Variants in DNAI3 observed in about 807,000 individuals in gnomAD.
DNAI3 encodes dynein axonemal intermediate chain 3.
DNAI3 carries 83 observed loss-of-function variants against 115.5 expected under a neutral mutation model. That is an observed-to-expected ratio of 0.72 (90% CI 0.60 to 0.86). The LOEUF (loss-of-function observed/expected upper bound fraction) is 0.86. Ranked by LOEUF, DNAI3 falls within the 40% of genes least tolerant of loss-of-function variation. The pLI is 0.00. For synonymous variants in DNAI3, 320 were observed against 347.0 expected (o/e 0.92, Z 0.86); for missense variants, 1,004 against 1,075.8 (o/e 0.93, Z 0.93).
chr1:85,098,785 C>T, intron 13 of DNAI3, 127 bp downstream of exon 13: 1 of 1,372,330 alleles, frequency 7.3e-7, no homozygotes, highest in Non-Finnish European at 1.0e-6. Flanking sequence ...AACTAAGCAT[C>T]AAAAAATGGG....
chr1:85,120,282 G>A (rs1203708263), intron 17 of DNAI3, among the ~76,000 whole-genome samples: 4 of 152,206 alleles, frequency 2.6e-5, no homozygotes, highest in African/African-American at 9.6e-5. Context: ...ACTGGCTGGC[G>A]TGGGCTGAGG....
rs561798597 is a variant in DNAI3 at position 85,075,480 on chromosome 1, C to T, written c.103+2388C>T. 3.9e-5 allele frequency among the ~76,000 whole-genome samples: 6 copies of T among 152,214 alleles called. No homozygotes were observed. The East Asian group carries it at 7.7e-4, about 20-fold the overall frequency. On this transcript the variant is annotated intron_variant, in intron 3 of 22. Coordinates refer to ENST00000294664, the MANE Select transcript of DNAI3 (RefSeq NM_145172.5). ...ACAAGTGTAGGTTTTGAGTTAGCAT[C>T]CCCTTCTCCTCAAGCCTCTTTCTAC... is the stretch of plus-strand genomic sequence containing the variant.
intron 14 of DNAI3, among the ~76,000 whole-genome samples, chr1:85,105,285 G>A (rs1246876150): frequency 6.6e-6 from 1 of 152,140 alleles, no homozygotes; most frequent in East Asian, 1.9e-4. Flanking sequence ...CTGTGAGCAT[G>A]TGTTGGGGAA....
chr1:85,109,623 G>C (rs1655593692), intron 15 of DNAI3, among the ~76,000 whole-genome samples: 1 of 152,214 alleles, frequency 6.6e-6, no homozygotes, highest in Non-Finnish European at 1.5e-5. Flanking sequence ...TCCAGTGCAT[G>C]TGTTCCTGAG....
At chr1:85,105,099 G>A (rs1453139579) in intron 14 of DNAI3, among the ~76,000 whole-genome samples, 1 of 152,176 alleles carries the variant, frequency 6.6e-6, no homozygotes, top group African/African-American at 2.4e-5. Context: ...GAAATATGAA[G>A]AGTAATATCA....
At chr1:85,095,203 A>G (rs1302303543) in intron 10 of DNAI3, among the ~76,000 whole-genome samples, 13 of 152,332 alleles carry the variant, frequency 8.5e-5, no homozygotes, top group African/African-American at 3.1e-4. Context: ...GGTCTGCTCA[A>G]TAAGAGATCT....
intron 10 of DNAI3, 135 bp from the exon 11 acceptor site, chr1:85,095,796 C>A: frequency 1.2e-6 from 1 of 803,962 alleles, no homozygotes. Flanking sequence ...AGGCAGAACT[C>A]TGAGAATAGA....
At chr1:85,109,911 G>A (rs1269100543) in intron 15 of DNAI3, 137 bp from the exon 16 acceptor site, 32 of 717,876 alleles carry the variant, frequency 4.5e-5, no homozygotes, top group Non-Finnish European at 7.3e-5. Context: ...AGAAATTTGA[G>A]GGAGGAAAGG....
Position 85,132,885 on chromosome 1 carries a change from CA to C in DNAI3, c.2564del (p.Gln855ArgfsTer4). On this transcript the variant is annotated frameshift_variant, in exon 23 of 23. Transcript: ENST00000294664. LOFTEE classifies it low-confidence loss of function (END_TRUNC). Reference sequence around the variant, plus strand: ...ATATCAGAAGTCAAAAGAACAAATGCAGGCTGAATTAAAAATGGACTATGAG... The same window carrying C: ...ATATCAGAAGTCAAAAGAACAAATGCGGCTGAATTAAAAATGGACTATGAG... ...KTYQKSKEQM[Q>X]AELKMDYESY... 1 of 1,613,674 alleles carries C rather than the reference CA, an allele frequency of 6.2e-7. No homozygotes were observed. Among genetic ancestry groups the C allele is most frequent in the South Asian group, 1.1e-5 (1 of 91,060 alleles).
intron 6 of DNAI3, among the ~76,000 whole-genome samples, chr1:85,084,912 A>G (rs909783213): frequency 6.6e-6 from 1 of 152,254 alleles, no homozygotes; most frequent in Non-Finnish European, 1.5e-5. Flanking sequence ...TCTAACCTCC[A>G]GCACCTCAGA....
chr1:85,113,477 T>C (rs1196421161), intron 16 of DNAI3, among the ~76,000 whole-genome samples: 1 of 152,230 alleles, frequency 6.6e-6, no homozygotes, highest in East Asian at 1.9e-4. Flanking sequence ...CTCTTTCTAC[T>C]GAACTGCTTT....
intron 16 of DNAI3, among the ~76,000 whole-genome samples, chr1:85,115,884 T>G (rs1655802192): frequency 6.6e-6 from 1 of 152,214 alleles, no homozygotes. Context: ...TGTCTCCTGC[T>G]GTGCTGACCA....
At position 85,126,693 on chromosome 1, in the gene DNAI3, C is replaced by T; in HGVS notation, c.2295C>T (p.Tyr765=). 1 of 1,614,156 alleles carries T rather than the reference C, an allele frequency of 6.2e-7. No homozygotes were observed. The highest frequency in any genetic ancestry group is 1.1e-5 in the South Asian group (1 of 91,084). ...ACATTTGCATAACTATGATCACCTA[C>T]ATCAAACCCTGGATCTTTTCTTGTA... ...SQNICITMIT[Y]IKPWIFSSKQ... The change falls in exon 20 of 23, where the codon TAC becomes TAT. Residue 765 remains tyrosine (Y), a synonymous_variant. Transcript: ENST00000294664.
intron 13 of DNAI3, among the ~76,000 whole-genome samples, chr1:85,100,932 A>G (rs1433394194): frequency 1.4e-5 from 2 of 147,666 alleles, no homozygotes; most frequent in African/African-American, 5.0e-5. Flanking sequence ...ATGAGAACAC[A>G]TGGACACAGG....
intron 4 of DNAI3, among the ~76,000 whole-genome samples, chr1:85,081,733 C>T (rs745899028): frequency 1.2e-4 from 18 of 152,128 alleles, no homozygotes; most frequent in African/African-American, 2.4e-4. Context: ...CTGCAACCTC[C>T]GCCTCCCAGG....
In DNAI3 at chr1:85,082,361, T is replaced by G. The variant is rs1654657669; in HGVS notation, c.347T>G (p.Phe116Cys). 1.9e-6 allele frequency: 3 copies of G among 1,613,830 alleles called. No individual in the cohort carries two copies. In the African/African-American group the frequency reaches 4.0e-5, roughly 22 times the overall value. ...YDKDFKYGLN[F>C]YLIATEEGKE... ...AAAGACTTCAAATATGGACTTAACT[T>G]TTATCTTATTGCAACTGAAGAGGGC... is the stretch of plus-strand genomic sequence containing the variant. Residue 116 changes from phenylalanine to cysteine, a missense_variant, in exon 5 of 23, where the codon TTT (phenylalanine) becomes TGT (cysteine). Coordinates refer to ENST00000294664, the MANE Select transcript of DNAI3 (RefSeq NM_145172.5).
intron 2 of DNAI3, among the ~76,000 whole-genome samples, chr1:85,072,584 A>G (rs1293155050): frequency 1.3e-5 from 2 of 149,942 alleles, no homozygotes; most frequent in African/African-American, 4.9e-5. Context: ...AGAGGTTGCA[A>G]TGAGCAGAGA....
chr1:85,080,261 C>T (rs1262001210), intron 3 of DNAI3, among the ~76,000 whole-genome samples: 4 of 151,880 alleles, frequency 2.6e-5, no homozygotes, highest in Non-Finnish European at 5.9e-5. Context: ...CTGTATTAGC[C>T]AGGATGGTCT....
At chr1:85,115,529 A>C (rs959521807) in intron 16 of DNAI3, among the ~76,000 whole-genome samples, 3 of 152,230 alleles carry the variant, frequency 2.0e-5, no homozygotes, top group African/African-American at 7.2e-5. Context: ...TCCATGACCT[A>C]TGAGGATGAT....
Sources: gnomAD v4.1 joint callset for allele counts (sites outside exome capture counted in the v4.1 genomes callset) on GRCh38, gnomAD v4.1.1 for gene constraint, MANE v1.5 for transcripts, NCBI Gene and HGNC (gene_info 2026-07-23, HGNC 2026-07-21) for gene names.